Variants in ARHGAP6 observed in about 807,000 individuals in gnomAD.
ARHGAP6 encodes rho GTPase-activating protein 6.
Under a neutral mutation model 55.7 loss-of-function variants are expected in ARHGAP6, and 16 were observed. The observed-to-expected ratio is 0.29, with a 90% CI of 0.19 to 0.44. The LOEUF is 0.44. ARHGAP6 is among the 20% of genes least tolerant of loss of function. ARHGAP6 has a pLI of 1.00. For missense variants in ARHGAP6, 698 were observed against 808.9 expected (o/e 0.86, Z 1.66); for synonymous variants, 382 against 360.9 (o/e 1.06, Z -0.66).
intron 1 of ARHGAP6, among the ~76,000 whole-genome samples, chrX:11,575,015 GA>G (rs1199107811): frequency 1.8e-5 from 2 of 112,266 alleles, no homozygotes; most frequent in Admixed American, 1.9e-4. Context: ...CAAGAAGACA[GA>G]GATGGCTCAC....
chrX:11,468,044 A>G (rs1180318045), intron 1 of ARHGAP6, among the ~76,000 whole-genome samples: 1 of 110,381 alleles, frequency 9.1e-6, no homozygotes, highest in Admixed American at 9.7e-5. Flanking sequence ...ATAAATGGCC[A>G]AAGCTAACTG....
intron 1 of ARHGAP6, among the ~76,000 whole-genome samples, chrX:11,635,997 A>C (rs770298029): frequency 9.8e-5 from 11 of 111,751 alleles, no homozygotes; most frequent in African/African-American, 3.2e-4. Context: ...TCAATGCCTT[A>C]ATTCAGGTAA....
chrX:11,299,429 G>A (rs777274203), intron 1 of ARHGAP6, among the ~76,000 whole-genome samples: 104 of 111,755 alleles, frequency 9.3e-4, no homozygotes, highest in African/African-American at 3.2e-3. Context: ...AAAGGTAGAC[G>A]GGAAATCTCT....
rs771406373 is a variant in ARHGAP6, at chrX:11,533,266, AT to A, written c.588+130974del. 3.9e-3 allele frequency among the ~76,000 whole-genome samples: 431 copies of A among 110,497 alleles called. 1 individual carries two copies. Among genetic ancestry groups the A allele is most frequent in the African/African-American group, 0.011 (343 of 30,321 alleles). ...CTAGGTGGCACTTAAGACCATTTAC[AT>A]TTTCAAAACGGCTCTATTTTGTAGT... is the stretch of plus-strand genomic sequence containing the variant. On this transcript the variant is annotated intron_variant, in intron 1 of 12. Coordinates refer to ENST00000337414, the MANE Select transcript of ARHGAP6 (RefSeq NM_013427.3).
At chrX:11,350,373 A>C (rs1275346447) in intron 1 of ARHGAP6, among the ~76,000 whole-genome samples, 7 of 112,291 alleles carry the variant, frequency 6.2e-5, no homozygotes, top group Non-Finnish European at 1.9e-5. Context: ...TTCGGAAAAA[A>C]AGTTTCCCAT....
At chrX:11,254,500 ATATTTGACTTGC>A in intron 2 of ARHGAP6, 36 bp downstream of exon 2, 1 of 1,183,333 alleles carries the variant, frequency 8.5e-7, no homozygotes, top group Non-Finnish European at 1.1e-6. Context: ...GGCAGAGCCA[ATATTTGACTTGC>A]AGTGTTCCCC....
intron 1 of ARHGAP6, among the ~76,000 whole-genome samples, chrX:11,256,150 G>A (rs948107507): frequency 2.3e-4 from 26 of 112,442 alleles, no homozygotes; most frequent in Admixed American, 2.8e-4. Context: ...AGCACTTTGG[G>A]AGGCTGAGGT....
At chrX:11,469,456 C>T (rs957480593) in intron 1 of ARHGAP6, among the ~76,000 whole-genome samples, 1 of 112,225 alleles carries the variant, frequency 8.9e-6, no homozygotes, top group African/African-American at 3.2e-5. Flanking sequence ...TGTGTGCATA[C>T]CTACATAGAT....
chrX:11,142,103 G>A (rs2045628364), intron 12 of ARHGAP6, 130 bp downstream of exon 12: 1 of 399,345 alleles, frequency 2.5e-6, no homozygotes, highest in Non-Finnish European at 4.2e-6. Flanking sequence ...CCTAAGGATA[G>A]TTTCATCCCC....
At chrX:11,358,981 C>T (rs1421725470) in intron 1 of ARHGAP6, among the ~76,000 whole-genome samples, 1 of 112,086 alleles carries the variant, frequency 8.9e-6, no homozygotes, top group Non-Finnish European at 1.9e-5. Flanking sequence ...AAAGTTAAAT[C>T]CTAAGCACTT....
chrX:11,207,497 T>C (rs1429576511), intron 2 of ARHGAP6, among the ~76,000 whole-genome samples: 1 of 112,342 alleles, frequency 8.9e-6, no homozygotes, highest in African/African-American at 3.2e-5. Flanking sequence ...GAACAATTAC[T>C]AACCCCTTTA....
At chrX:11,446,450 T>C (rs1001903655) in intron 1 of ARHGAP6, among the ~76,000 whole-genome samples, 12 of 112,062 alleles carry the variant, frequency 1.1e-4, no homozygotes, top group African/African-American at 3.6e-4. Context: ...GTGTTTTTTC[T>C]CCTTAATTGC....
intron 1 of ARHGAP6, among the ~76,000 whole-genome samples, chrX:11,604,073 C>T (rs1042972168): frequency 2.7e-5 from 3 of 111,305 alleles, no homozygotes; most frequent in Non-Finnish European, 5.7e-5. Flanking sequence ...ACAGCAACAT[C>T]GGGAGACCAG....
chrX:11,277,317 T>C (rs774431998), intron 1 of ARHGAP6, among the ~76,000 whole-genome samples: 1 of 111,602 alleles, frequency 9.0e-6, no homozygotes, highest in African/African-American at 3.2e-5. Context: ...TTTTGACTGG[T>C]ATGAATAAAG....
intron 2 of ARHGAP6, among the ~76,000 whole-genome samples, chrX:11,240,103 C>A (rs757122264): frequency 3.5e-4 from 39 of 112,103 alleles, no homozygotes; most frequent in Non-Finnish European, 6.6e-4. Flanking sequence ...TGCCTGTACT[C>A]CATGTTTGGT....
intron 1 of ARHGAP6, among the ~76,000 whole-genome samples, chrX:11,573,682 T>G (rs2051558908): frequency 9.0e-6 from 1 of 110,511 alleles, no homozygotes; most frequent in Non-Finnish European, 1.9e-5. Flanking sequence ...CTTTTTTGGT[T>G]CCATATGAAC....
chrX:11,612,427 G>A (rs1028433474), intron 1 of ARHGAP6, among the ~76,000 whole-genome samples: 1 of 111,581 alleles, frequency 9.0e-6, no homozygotes, highest in African/African-American at 3.3e-5. Flanking sequence ...TACTATAAAC[G>A]GAATGTTTGT....
intron 1 of ARHGAP6, among the ~76,000 whole-genome samples, chrX:11,452,391 G>A (rs1438139930): frequency 9.0e-6 from 1 of 111,221 alleles, no homozygotes; most frequent in Non-Finnish European, 1.9e-5. Context: ...CAGGTGATCC[G>A]CCCACCTCAG....
At chrX:11,252,638 C>T in intron 2 of ARHGAP6, among the ~76,000 whole-genome samples, 1 of 112,629 alleles carries the variant, frequency 8.9e-6, no homozygotes, top group East Asian at 2.8e-4. Context: ...GGGATTTCCT[C>T]TTGGAAACAA....
Sources: gnomAD v4.1 joint callset for allele counts (sites outside exome capture counted in the v4.1 genomes callset) on GRCh38, gnomAD v4.1.1 for gene constraint, MANE v1.5 for transcripts, NCBI Gene and HGNC (gene_info 2026-07-23, HGNC 2026-07-21) for gene names.